Variants in TSPY3 observed in about 807,000 individuals in gnomAD.
TSPY3 encodes testis-specific Y-encoded protein 3.
Position 9,400,013 on chromosome Y carries a change from G to GT in TSPY3, c.712dup (p.Tyr238LeufsTer5). ...CTTCTCATTCCACTCCAATTGAGTG[G>GT]TATCCGGATTATGAAGTGGAGGCGT... On this transcript the variant is annotated frameshift_variant, in exon 4 of 6. Coordinates refer to ENST00000457222, the MANE Select transcript of TSPY3 (RefSeq NM_001077697.2). LOFTEE classifies it high-confidence loss of function. The GT allele has an allele frequency of 2.9e-6, 1 of 341,012 alleles. No individual in the cohort carries two copies. The highest frequency in any genetic ancestry group is 3.8e-6 in the Non-Finnish European group (1 of 260,710). The allele number at this position is 341,012 out of a possible 400,897, so 85.1% of individuals were successfully genotyped here. A position where few individuals can be genotyped will look rare whatever the true frequency, so the allele number is the denominator to read the frequency against.
Sources: gnomAD v4.1 joint callset for allele counts on GRCh38, gnomAD v4.1.1 for gene constraint, MANE v1.5 for transcripts, NCBI Gene and HGNC (gene_info 2026-07-23, HGNC 2026-07-21) for gene names.